Variants in ZFP69B observed in about 807,000 individuals in gnomAD.
The protein encoded by ZFP69B is zinc finger protein 69 homolog B.
ZFP69B carries 20 observed loss-of-function variants against 19.7 expected under a neutral mutation model. The observed-to-expected ratio is 1.02, with a 90% CI of 0.71 to 1.48. ZFP69B has a LOEUF of 1.48. Among genes scored for constraint, ZFP69B ranks in the 40% most tolerant of loss-of-function variants. The probability of loss-of-function intolerance (pLI) is 0.00; values close to 1 mark genes in which losing one functional copy is unlikely to be tolerated. For synonymous variants in ZFP69B, 220 were observed against 222.7 expected, an observed-to-expected ratio of 0.99 and a Z score of 0.11; for missense variants, 583 against 632.6, an observed-to-expected ratio of 0.92 and a Z score of 0.84.
At chr1:40,454,599 C>T (rs1007079053) in intron 2 of ZFP69B, among the ~76,000 whole-genome samples, 21 of 152,068 alleles carry the variant, frequency 1.4e-4, no homozygotes, top group African/African-American at 4.8e-4. Flanking sequence ...GGGGTTTCAC[C>T]GTGTTAGGCA....
In ZFP69B at chr1:40,463,292, A is replaced by G. The variant is rs1645309784; in HGVS notation, c.1308A>G (p.Gln436=). Residue 436 remains glutamine, a synonymous_variant, in exon 5 of 5, where the codon CAA becomes CAG. Transcript: ENST00000361584. Reference sequence around the variant, plus strand: ...TCAGCCATAGTACATACCTAACTCAACACCAGAGAACTCATACTGGAGAAA... The same window carrying G: ...TCAGCCATAGTACATACCTAACTCAGCACCAGAGAACTCATACTGGAGAAA... ...KTFSHSTYLT[Q]HQRTHTGERP... 6.2e-7 allele frequency: 1 copy of G among 1,614,158 alleles called. No homozygotes were observed. Among genetic ancestry groups the G allele is most frequent in the South Asian group, 1.1e-5 (1 of 91,084 alleles).
intron 1 of ZFP69B, among the ~76,000 whole-genome samples, chr1:40,453,824 A>G (rs1469589282): frequency 2.0e-5 from 3 of 151,838 alleles, no homozygotes; most frequent in African/African-American, 7.2e-5. Flanking sequence ...GTGAACCAAG[A>G]TTATGCCACT....
At chr1:40,460,615 C>A (rs146708944) in intron 4 of ZFP69B, among the ~76,000 whole-genome samples, 7 of 152,082 alleles carry the variant, frequency 4.6e-5, no homozygotes, top group African/African-American at 1.7e-4. Context: ...GAGGCCGAGG[C>A]GGGCAGATCA....
chr1:40,451,654 G>GGC (rs1491295555), intron 1 of ZFP69B, among the ~76,000 whole-genome samples: 2 of 77,656 alleles, frequency 2.6e-5, no homozygotes, highest in Non-Finnish European at 5.1e-5. Flanking sequence ...AGAAAGACGT[G>GGC]GGGGGGGGGG....
rs1645179260 is a variant in ZFP69B at position 40,450,880 on chromosome 1, C to A, written c.-82C>A. ...ACAATTGGGAAGCCTCCTGTCAGAGCTTCCAGCAATTTCCTCATCAGAGGT... is the reference window on the plus strand; with the variant it reads ...ACAATTGGGAAGCCTCCTGTCAGAGATTCCAGCAATTTCCTCATCAGAGGT... On this transcript the variant is annotated 5_prime_UTR_variant, in exon 1 of 5. Transcript: ENST00000361584. The A allele has an allele frequency of 1.0e-5, 14 of 1,390,528 alleles. No homozygotes were observed. The highest frequency in any genetic ancestry group is 1.5e-5 in the African/African-American group (1 of 67,322). 86.1% of individuals were successfully genotyped at this position (1,390,528 alleles called of 1,614,324 possible).
chr1:40,450,246 C>G (rs1470579549), upstream of ZFP69B: 1 of 152,316 alleles, frequency 6.6e-6, no homozygotes, highest in African/African-American at 2.4e-5. Context: ...CCGCGGCCAC[C>G]CTGTCGCGCG....
chr1:40,457,028 C>T lies in ZFP69B; in HGVS notation c.297C>T (p.Tyr99=), dbSNP rs1645239747. 2 of 1,612,092 alleles carry T rather than the reference C, an allele frequency of 1.2e-6. No individual in the cohort carries two copies. Among genetic ancestry groups the T allele is most frequent in the African/African-American group, 1.3e-5 (1 of 74,830 alleles). ...TGGCCCCTGCTCACCGGAATCTGTA[C>T]CGGGAGGTGATGCTGGAGAACTATG... The part of the protein sequence containing the change: ...GQLAPAHRNL[Y]REVMLENYGN... Residue 99 remains tyrosine, a synonymous_variant, in exon 3 of 5, where the codon TAC becomes TAT. Coordinates refer to ENST00000361584, the MANE Select transcript of ZFP69B (RefSeq NM_023070.3).
At chr1:40,450,467 A>G (rs1205038552), upstream of ZFP69B, among the ~76,000 whole-genome samples, 1 of 152,098 alleles carries the variant, frequency 6.6e-6, no homozygotes, top group Non-Finnish European at 1.5e-5. Flanking sequence ...CCAAACAAAG[A>G]ATTGGGTTGT....
intron 3 of ZFP69B, 67 bp from the exon 4 acceptor site, chr1:40,457,277 C>CGTT (rs777191931): frequency 6.4e-7 from 1 of 1,562,414 alleles, no homozygotes; most frequent in East Asian, 2.2e-5. Flanking sequence ...TACCAAAGAA[C>CGTT]CATATTTAAA....
intron 3 of ZFP69B, 92 bp downstream of exon 3, chr1:40,457,163 G>C (rs1484088263): frequency 6.3e-7 from 1 of 1,579,074 alleles, no homozygotes; most frequent in South Asian, 1.1e-5. Context: ...TTTCGGTTCT[G>C]TATTAGAGGT....
Position 40,462,686 on chromosome 1 carries a change from G to C in ZFP69B, c.702G>C (p.Val234=), listed in dbSNP as rs531715913. ...ESNRFEKRIN[V]KSEVMPGPIG... ...ATAGATTTGAGAAAAGAATTAATGT[G>C]AAGTCAGAAGTTATGCCAGGACCAA... Residue 234 remains valine, a synonymous_variant, in exon 5 of 5, where the codon GTG becomes GTC. Transcript: ENST00000361584. 1.2e-6 allele frequency: 2 copies of C among 1,614,100 alleles called. No homozygotes were observed. The highest frequency in any genetic ancestry group is 2.7e-5 in the African/African-American group (2 of 75,044).
Position 40,458,451 on chromosome 1 carries a change from G to GT in ZFP69B, c.436+1013dup, listed in dbSNP as rs371943685. 2.2e-3 allele frequency among the ~76,000 whole-genome samples: 335 copies of GT among 151,800 alleles called. 3 individuals are homozygous for GT. The highest frequency in any genetic ancestry group is 3.6e-3 in the Non-Finnish European group (248 of 67,948). ...AAAATTTCACAACAGATTTTGAGCT[G>GT]TAAGTTATCTCAGACAGAATATGAA... On this transcript the variant is annotated intron_variant, in intron 4 of 4. Transcript: ENST00000361584.
chr1:40,450,148 G>T (rs970243762), upstream of ZFP69B: 1 of 152,320 alleles, frequency 6.6e-6, no homozygotes, highest in African/African-American at 2.4e-5. Context: ...GTGGGAAGGC[G>T]GGGGCGTGCC....
At chr1:40,457,167 T>A in intron 3 of ZFP69B, 96 bp downstream of exon 3, 2 of 1,576,698 alleles carry the variant, frequency 1.3e-6, no homozygotes, top group Non-Finnish European at 1.7e-6. Flanking sequence ...GGTTCTGTAT[T>A]AGAGGTTTTG....
chr1:40,450,445 A>T (rs2124410538), upstream of ZFP69B, among the ~76,000 whole-genome samples: 1 of 152,338 alleles, frequency 6.6e-6, no homozygotes, highest in South Asian at 2.1e-4. Flanking sequence ...TACTTTACAC[A>T]TAATTACTGC....
chr1:40,462,900 C>A lies in ZFP69B; in HGVS notation c.916C>A (p.Pro306Thr). The part of the protein sequence containing the change: ...EHMRIHTGEK[P>T]FRCKECGKAF... The stretch of plus-strand genomic sequence containing the variant: ...CATGAGAATTCATACCGGGGAGAAA[C>A]CTTTCAGATGTAAGGAATGTGGAAA... The change falls in exon 5 of 5, where the codon CCT (proline) becomes ACT (threonine). Residue 306 changes from proline (P) to threonine (T), a missense_variant. Coordinates refer to ENST00000361584, the MANE Select transcript of ZFP69B (RefSeq NM_023070.3). 1 of 1,614,148 alleles carries A rather than the reference C, an allele frequency of 6.2e-7. No homozygotes were observed. The highest frequency in any genetic ancestry group is 2.2e-5 in the East Asian group (1 of 44,878).
chr1:40,454,196 TC>T lies in ZFP69B; in HGVS notation c.128-3del. On this transcript the variant is annotated splice_region_variant and splice_polypyrimidine_tract_variant and intron_variant, in intron 1 of 4. Coordinates refer to ENST00000361584, the MANE Select transcript of ZFP69B (RefSeq NM_023070.3). ...ATGCAAACCTCATGGCTCTTTTCCT[TC>T]CCCAGCTCTGCTGTCTCAGGATGCT... 6.3e-7 allele frequency: 1 copy of T among 1,583,792 alleles called. No individual in the cohort carries two copies. Among genetic ancestry groups the T allele is most frequent in the Non-Finnish European group, 8.6e-7 (1 of 1,163,464 alleles).
At chr1:40,457,562 A>G in intron 4 of ZFP69B, 123 bp downstream of exon 4, 1 of 721,560 alleles carries the variant, frequency 1.4e-6, no homozygotes, top group Non-Finnish European at 2.3e-6. Context: ...TGATTCTGTT[A>G]TCTCTGTCAC....
intron 4 of ZFP69B, 120 bp downstream of exon 4, chr1:40,457,559 G>T (rs1645245671): frequency 8.2e-6 from 6 of 733,132 alleles, no homozygotes; most frequent in Admixed American, 2.7e-5. Context: ...AGTTGATTCT[G>T]TTATCTCTGT....
Sources: gnomAD v4.1 joint callset for allele counts (sites outside exome capture counted in the v4.1 genomes callset) on GRCh38, gnomAD v4.1.1 for gene constraint, MANE v1.5 for transcripts, NCBI Gene and HGNC (gene_info 2026-07-23, HGNC 2026-07-21) for gene names.